Variants in TRPA1 observed in about 807,000 individuals in gnomAD.
The protein encoded by TRPA1 is ankyrin-like with transmembrane domains 1.
TRPA1 carries 129 observed loss-of-function variants against 131.3 expected under a neutral mutation model. That is an observed-to-expected ratio of 0.98 (90% CI 0.85 to 1.14). The LOEUF is 1.14. Among genes scored for constraint, TRPA1 ranks in the 50% most tolerant of loss-of-function variants. The pLI, the probability that TRPA1 is intolerant of heterozygous loss-of-function variation, is 0.00. For missense variants in TRPA1, 1,304 were observed against 1,354.2 expected, an observed-to-expected ratio of 0.96 and a Z score of 0.58; for synonymous variants, 441 against 451.7, an observed-to-expected ratio of 0.98 and a Z score of 0.30.
chr8:72,037,349 A>T (rs529505185), intron 20 of TRPA1, among the ~76,000 whole-genome samples: 1 of 152,272 alleles, frequency 6.6e-6, no homozygotes, highest in African/African-American at 2.4e-5. Context: ...CAAAAAAATT[A>T]TAAAGACTTT....
intron 25 of TRPA1, 76 bp downstream of exon 25, chr8:72,025,884 C>T: frequency 7.9e-7 from 1 of 1,267,204 alleles, no homozygotes; most frequent in Non-Finnish European, 1.1e-6. Flanking sequence ...TAAAAGGGCC[C>T]CCTTAGGGTT....
chr8:72,075,731 C>T (rs1806166731), upstream of TRPA1: 2 of 413,014 alleles, frequency 4.8e-6, no homozygotes, highest in South Asian at 4.3e-5. Context: ...AGTGACTCGC[C>T]CGTCCCGCTG....
At chr8:72,065,607 A>G in intron 3 of TRPA1, 49 bp from the exon 4 acceptor site, 6 of 1,385,702 alleles carry the variant, frequency 4.3e-6, no homozygotes, top group Non-Finnish European at 6.1e-6. Context: ...ATTTCCAAAT[A>G]AGGTACTTGC....
intron 10 of TRPA1, chr8:72,056,160 T>G: frequency 2.5e-6 from 1 of 398,364 alleles, no homozygotes; most frequent in Non-Finnish European, 4.7e-6. Context: ...TATTTGATCA[T>G]GGCCCTTCCC....
Position 72,036,361 on chromosome 8 carries a change from CT to C in TRPA1, c.2481del (p.Ala828LeufsTer17). On this transcript the variant is annotated frameshift_variant, in exon 21 of 27. Transcript: ENST00000262209. LOFTEE classifies it high-confidence loss of function. ...IFVLPLFVEIPAHLQWQCGAI... is the reference protein window; with the variant it reads ...IFVLPLFVEIXAHLQWQCGAI... ...GCTCCACATTGCCACTGCAGATGAG[CT>C]GGTATTTCAACAAACAAGGGCAGCA... 1 of 1,614,136 alleles carries C rather than the reference CT, an allele frequency of 6.2e-7. No homozygotes were observed. Among genetic ancestry groups the C allele is most frequent in the South Asian group, 1.1e-5 (1 of 91,072 alleles).
intron 17 of TRPA1, among the ~76,000 whole-genome samples, chr8:72,041,967 G>T (rs920378067): frequency 6.6e-6 from 1 of 151,762 alleles, no homozygotes; most frequent in Non-Finnish European, 1.5e-5. Context: ...AAATTTTACT[G>T]ACTAATTAAG....
chr8:72,067,843 T>C (rs1029338407), intron 3 of TRPA1, among the ~76,000 whole-genome samples: 1 of 152,214 alleles, frequency 6.6e-6, no homozygotes, highest in African/African-American at 2.4e-5. Flanking sequence ...ACCCATCTCA[T>C]AGGTACTGAG....
intron 4 of TRPA1, 43 bp downstream of exon 4, chr8:72,065,408 T>C: frequency 7.0e-7 from 1 of 1,431,618 alleles, no homozygotes; most frequent in South Asian, 1.2e-5. Context: ...GTTGTATTCA[T>C]GAAAAGATAA....
chr8:72,064,516 G>T lies in TRPA1; in HGVS notation c.552+935C>A, dbSNP rs1311168712. Among the ~76,000 whole-genome samples, 5 of 151,890 alleles carry T rather than the reference G, an allele frequency of 3.3e-5. No individual in the cohort carries two copies. In the South Asian group the frequency reaches 6.2e-4, roughly 19 times the overall value. ...TCCTAAATTCTTGGTTTGAGTGTTA[G>T]TTAACTTATTTTTATTCTCTTTATC... On this transcript the variant is annotated intron_variant, in intron 4 of 26. Transcript: ENST00000262209.
At chr8:72,088,387 T>G in the TRPA1 span, among the ~76,000 whole-genome samples, 2 of 142,606 alleles carry the variant, frequency 1.4e-5, no homozygotes, top group African/African-American at 5.4e-5. Context: ...TTTTTTTTTT[T>G]GCTGTTTTAT....
intron 1 of TRPA1, among the ~76,000 whole-genome samples, chr8:72,074,130 G>GGACA (rs1045472073): frequency 6.9e-6 from 1 of 145,752 alleles, no homozygotes; most frequent in Non-Finnish European, 1.5e-5. Flanking sequence ...AGGTACCAAG[G>GGACA]GACAGACAGA....
intron 7 of TRPA1, among the ~76,000 whole-genome samples, chr8:72,061,018 ACATGGGTAG>A (rs1805796538): frequency 1.3e-5 from 2 of 152,152 alleles, no homozygotes; most frequent in African/African-American, 2.4e-5. Flanking sequence ...TCTTTCACTC[ACATGGGTAG>A]CATCTGATAC....
chr8:72,038,102 TATGAGAGATATAA>T, intron 19 of TRPA1, 30 bp from the exon 20 acceptor site: 5 of 1,108,750 alleles, frequency 4.5e-6, no homozygotes, highest in Non-Finnish European at 6.8e-6. Flanking sequence ...GACACATAGT[TATGAGAGATATAA>T]AACACTTTAA....
chr8:72,057,649 C>G (rs1805703068), intron 9 of TRPA1, 68 bp downstream of exon 9: 1 of 1,158,612 alleles, frequency 8.6e-7, no homozygotes, highest in Non-Finnish European at 1.3e-6. Flanking sequence ...TCATTTGGCA[C>G]ACAGTGAATG....
intron 2 of TRPA1, among the ~76,000 whole-genome samples, chr8:72,069,584 A>G (rs537943768): frequency 4.9e-4 from 75 of 152,316 alleles, no homozygotes; most frequent in Non-Finnish European, 6.2e-4. Flanking sequence ...AGCCTCCAAT[A>G]GCCTGCAAAG....
At chr8:72,065,284 A>G (rs920830) in intron 4 of TRPA1, among the ~76,000 whole-genome samples, 167 bp downstream of exon 4, 104,844 of 152,146 alleles carry the variant, frequency 0.69, 37,141 homozygotes, top group East Asian at 0.98. Flanking sequence ...CCTCTTAAGC[A>G]GGGAGTACAT....
intron 21 of TRPA1, 45 bp from the exon 22 acceptor site, chr8:72,034,422 A>G: frequency 7.8e-7 from 1 of 1,277,446 alleles, no homozygotes; most frequent in Non-Finnish European, 1.1e-6. Flanking sequence ...TTATAGTCAA[A>G]GTGTATTCAT....
At chr8:72,078,048 G>T (rs1325027269), upstream of TRPA1, among the ~76,000 whole-genome samples, 3 of 151,280 alleles carry the variant, frequency 2.0e-5, no homozygotes, top group Admixed American at 6.6e-5. Context: ...GGAAAATATA[G>T]TTATATGCAC....
chr8:72,067,175 A>G (rs564261355), intron 3 of TRPA1, among the ~76,000 whole-genome samples: 2 of 152,302 alleles, frequency 1.3e-5, no homozygotes, highest in African/African-American at 2.4e-5. Context: ...GGAGCAGTCA[A>G]TGGAGCAGCT....
Sources: allele counts gnomAD v4.1 joint callset (sites outside exome capture counted in the v4.1 genomes callset), GRCh38; gene constraint gnomAD v4.1.1; transcripts MANE v1.5; gene names NCBI Gene and HGNC (gene_info 2026-07-23, HGNC 2026-07-21).